The following TNFRSF13B variants were observed in gnomAD, a reference collection of about 807,000 sequenced individuals.
The protein encoded by TNFRSF13B is TNF receptor superfamily member 13B.
A neutral mutation model predicts 24.0 loss-of-function variants in TNFRSF13B; 34 were observed. That is an observed-to-expected ratio of 1.41 (90% CI 1.08 to 1.88). TNFRSF13B has a LOEUF of 1.88. Ranked by LOEUF, TNFRSF13B falls within the 40% of genes most tolerant of loss-of-function variation. TNFRSF13B has a pLI of 0.00. For missense variants in TNFRSF13B, 415 were observed against 380.8 expected, an observed-to-expected ratio of 1.09 and a Z score of -0.75; for synonymous variants, 173 against 150.3, an observed-to-expected ratio of 1.15 and a Z score of -1.10.
intron 3 of TNFRSF13B, among the ~76,000 whole-genome samples, chr17:16,946,651 G>A (rs1031561182): frequency 3.3e-5 from 5 of 150,498 alleles, no homozygotes; most frequent in East Asian, 2.0e-4. Flanking sequence ...ACAAAGGCAC[G>A]ATCTTGGCTC....
rs575778769 is a variant in TNFRSF13B, at chr17:16,939,561, C to T, written c.868G>A (p.Gly290Ser). 2 of 1,613,454 alleles carry T rather than the reference C, an allele frequency of 1.2e-6. No homozygotes were observed. The highest frequency in any genetic ancestry group is 1.1e-5 in the South Asian group (1 of 90,910). Residue 290 changes from glycine to serine, a missense_variant, in exon 5 of 5, where the codon GGC becomes AGC. Coordinates refer to ENST00000261652, the MANE Select transcript of TNFRSF13B (RefSeq NM_012452.3). ...CTGACCCCCATTTATGCACCTGGGC[C>T]CCCCTCCTGGGCAGGCACACACACA... ...GIVCVPAQEG[G>S]PGA
chr17:16,972,070 A>G lies in TNFRSF13B; in HGVS notation c.6T>C (p.Ser2=), dbSNP rs748036053. The change falls in exon 1 of 5, where the codon AGT becomes AGC. Residue 2 remains serine (S), a synonymous_variant. Coordinates refer to ENST00000261652, the MANE Select transcript of TNFRSF13B (RefSeq NM_012452.3). M[S]GLGRSRRGGR... The stretch of plus-strand genomic sequence containing the variant: ...CACCTCGCCTGCTCCGGCCCAGGCC[A>G]CTCATTACTCAGGATGCTTATTACT... The G allele has an allele frequency of 1.2e-6, 2 of 1,613,748 alleles. No homozygotes were observed. The highest frequency in any genetic ancestry group is 1.7e-6 in the Non-Finnish European group (2 of 1,180,008).
intron 1 of TNFRSF13B, among the ~76,000 whole-genome samples, chr17:16,966,017 C>T (rs1334965715): frequency 6.6e-6 from 1 of 151,956 alleles, no homozygotes; most frequent in African/African-American, 2.4e-5. Context: ...CACTTTGGAG[C>T]CCGAGGTGGG....
chr17:16,940,698 C>G (rs2143642831), intron 3 of TNFRSF13B, 187 bp from the exon 4 acceptor site: 2 of 1,457,934 alleles, frequency 1.4e-6, no homozygotes, highest in South Asian at 1.4e-5. Context: ...ATCCACTCCC[C>G]CATCCTGGCA....
At position 16,939,572 on chromosome 17, in the gene TNFRSF13B, G is replaced by A. The variant is rs886052652; in HGVS notation, c.857C>T (p.Ala286Val). 5.6e-6 allele frequency: 9 copies of A among 1,612,898 alleles called. No individual in the cohort carries two copies. The African/African-American group carries it at 1.1e-4, about 19-fold the overall frequency. Residue 286 changes from alanine to valine, a missense_variant, in exon 5 of 5, where the codon GCC (alanine) becomes GTC (valine). By Grantham distance (64) the Ala-to-Val change is moderately conservative (BLOSUM62 0). Coordinates refer to ENST00000261652, the MANE Select transcript of TNFRSF13B (RefSeq NM_012452.3). ...DSGLGIVCVPAQEGGPGA is the reference protein window; with the variant it reads ...DSGLGIVCVPVQEGGPGA ...TTATGCACCTGGGCCCCCCTCCTGG[G>A]CAGGCACACACACAATGCCAAGGCC...
intron 1 of TNFRSF13B, among the ~76,000 whole-genome samples, chr17:16,970,050 CAG>C (rs1241576718): frequency 6.6e-6 from 1 of 152,172 alleles, no homozygotes; most frequent in East Asian, 1.9e-4. Context: ...CTGGACCTGA[CAG>C]AGAGACAGTG....
At chr17:16,941,097 A>C (rs2087506884) in intron 3 of TNFRSF13B, 1 of 601,534 alleles carries the variant, frequency 1.7e-6, no homozygotes, top group African/African-American at 2.0e-5. Context: ...GATGCCATGT[A>C]GAAGGGTGTT....
intron 1 of TNFRSF13B, among the ~76,000 whole-genome samples, chr17:16,954,816 G>A (rs2143666327): frequency 6.6e-6 from 1 of 152,326 alleles, no homozygotes; most frequent in South Asian, 2.1e-4. Flanking sequence ...CACCCACCCA[G>A]GCATAAGAGT....
intron 3 of TNFRSF13B, 29 bp downstream of exon 3, chr17:16,948,709 A>C (rs1363858786): frequency 1.2e-6 from 2 of 1,612,930 alleles, no homozygotes; most frequent in Admixed American, 3.3e-5. Context: ...CCTGCGTGAC[A>C]CCATGCAGGT....
At chr17:16,946,768 G>C (rs369168333) in intron 3 of TNFRSF13B, among the ~76,000 whole-genome samples, 14 of 151,620 alleles carry the variant, frequency 9.2e-5, no homozygotes, top group African/African-American at 3.4e-4. Flanking sequence ...TTGTATTTTT[G>C]GTAGAGATGG....
At chr17:16,952,638 G>C (rs932048653) in intron 1 of TNFRSF13B, 55 bp from the exon 2 acceptor site, 1 of 1,613,168 alleles carries the variant, frequency 6.2e-7, no homozygotes, top group Admixed American at 1.7e-5. Flanking sequence ...CCGGCCTCTT[G>C]TCCCTGATGG....
At position 16,960,373 on chromosome 17, in the gene TNFRSF13B, C is replaced by G. The variant is rs34001747; in HGVS notation, c.62-7790G>C. Among the ~76,000 whole-genome samples, 1,458 of 152,152 alleles carry G rather than the reference C, an allele frequency of 9.6e-3. 13 individuals are homozygous for G. Among genetic ancestry groups the G allele is most frequent in the Non-Finnish European group, 0.016 (1,117 of 67,976 alleles). On this transcript the variant is annotated intron_variant, in intron 1 of 4. Coordinates refer to ENST00000261652, the MANE Select transcript of TNFRSF13B (RefSeq NM_012452.3). ...TTTGCCACTTCTTTTCAACATAGCA[C>G]CAGGAGAACTAGCCAGAGCACTTAG... is the stretch of plus-strand genomic sequence containing the variant.
At chr17:16,964,263 C>G (rs1475980642) in intron 1 of TNFRSF13B, among the ~76,000 whole-genome samples, 2 of 151,958 alleles carry the variant, frequency 1.3e-5, no homozygotes, top group Non-Finnish European at 2.9e-5. Context: ...TCTAAGACCC[C>G]CCTGCCTGCT....
intron 3 of TNFRSF13B, among the ~76,000 whole-genome samples, chr17:16,948,189 G>T (rs1196764328): frequency 6.6e-6 from 1 of 152,162 alleles, no homozygotes; most frequent in Non-Finnish European, 1.5e-5. Flanking sequence ...CTACTAGAAG[G>T]GGGAGGCAGA....
At chr17:16,950,445 G>A (rs1217613657) in intron 2 of TNFRSF13B, among the ~76,000 whole-genome samples, 2 of 152,214 alleles carry the variant, frequency 1.3e-5, no homozygotes, top group South Asian at 2.1e-4. Flanking sequence ...AAACAGATCC[G>A]TTCTTGTGTC....
At position 16,957,266 on chromosome 17, in the gene TNFRSF13B, G is replaced by A. The variant is rs529291400; in HGVS notation, c.62-4683C>T. 6.0e-5 allele frequency among the ~76,000 whole-genome samples: 9 copies of A among 149,808 alleles called. No individual in the cohort carries two copies. In the South Asian group the frequency reaches 8.5e-4, roughly 14 times the overall value. On this transcript the variant is annotated intron_variant, in intron 1 of 4. Coordinates refer to ENST00000261652, the MANE Select transcript of TNFRSF13B (RefSeq NM_012452.3). The stretch of plus-strand genomic sequence containing the variant: ...CGAACCTTAATGGAAGGGAACTATC[G>A]CAAATTTAAGCAAGCAGAAGAGGCA...
chr17:16,941,349 G>A (rs1365280308), intron 3 of TNFRSF13B: 1 of 987,558 alleles, frequency 1.0e-6, no homozygotes, highest in East Asian at 1.1e-4. Flanking sequence ...GCCACCCTAT[G>A]ACTCAGGACT....
chr17:16,960,216 A>T (rs1345765567), intron 1 of TNFRSF13B, among the ~76,000 whole-genome samples: 1 of 152,202 alleles, frequency 6.6e-6, no homozygotes, highest in Non-Finnish European at 1.5e-5. Flanking sequence ...TTTTAATGAT[A>T]AAAACACTTG....
chr17:16,944,061 G>C lies in TNFRSF13B; in HGVS notation c.446-3550C>G, dbSNP rs553358631. On this transcript the variant is annotated intron_variant, in intron 3 of 4. Transcript: ENST00000261652. ...ATGTGTGAGCAGCAGGGCTTTCTGT[G>C]CTCTCTTGGTGAGCATGTGGAGCGG... Among the ~76,000 whole-genome samples the C allele has an allele frequency of 2.0e-5, 3 of 152,334 alleles. No individual in the cohort carries two copies. The East Asian group carries it at 5.8e-4, about 29-fold the overall frequency.
Sources: gnomAD v4.1 joint callset for allele counts (sites outside exome capture counted in the v4.1 genomes callset) on GRCh38, gnomAD v4.1.1 for gene constraint, MANE v1.5 for transcripts, NCBI Gene and HGNC (gene_info 2026-07-23, HGNC 2026-07-21) for gene names.